Variants in ZNG1F observed in about 807,000 individuals in gnomAD.
ZNG1F encodes the protein Zn regulated GTPase metalloprotein activator 1F, also known as zinc-regulated GTPase metalloprotein activator 1F.
At chr9:41,173,753 G>A in the ZNG1F span, among the ~76,000 whole-genome samples, 1 of 116,192 alleles carries the variant, frequency 8.6e-6, no homozygotes. Flanking sequence ...AAACCTTAGT[G>A]GAAGCACTAA....
the ZNG1F span, among the ~76,000 whole-genome samples, chr9:41,166,445 CATAT>C: frequency 0.48 from 56,562 of 116,838 alleles, 10,388 homozygotes; most frequent in Non-Finnish European, 0.56. Context: ...TATTATTATA[CATAT>C]ATATATATAT....
chr9:41,158,058 CG>C, the ZNG1F span: 1 of 110,286 alleles, frequency 9.1e-6, no homozygotes, highest in Non-Finnish European at 1.9e-5. Context: ...ACAAGGGGCA[CG>C]GGGGCTCCAC....
At chr9:41,166,179 C>T in the ZNG1F span, among the ~76,000 whole-genome samples, 1 of 112,824 alleles carries the variant, frequency 8.9e-6, no homozygotes, top group African/African-American at 3.5e-5. Context: ...GGGTGGATCA[C>T]CTGAGGTCAG....
At chr9:41,155,395 A>G in the ZNG1F span, among the ~76,000 whole-genome samples, 3 of 147,008 alleles carry the variant, frequency 2.0e-5, no homozygotes, top group Admixed American at 1.4e-4. Flanking sequence ...GAACACTTTT[A>G]CACTGTTGGC....
the ZNG1F span, among the ~76,000 whole-genome samples, chr9:41,187,121 C>T: frequency 6.8e-6 from 1 of 147,498 alleles, no homozygotes; most frequent in Non-Finnish European, 1.5e-5. Flanking sequence ...GCTTTTTAAC[C>T]ATATTATGAA....
At chr9:41,159,168 A>C in the ZNG1F span, among the ~76,000 whole-genome samples, 1 of 150,986 alleles carries the variant, frequency 6.6e-6, no homozygotes, top group African/African-American at 2.4e-5. Flanking sequence ...GATATTTTCC[A>C]GTGGTCATCT....
At chr9:41,193,367 G>C in the ZNG1F span, among the ~76,000 whole-genome samples, 54 of 133,510 alleles carry the variant, frequency 4.0e-4, no homozygotes, top group Admixed American at 1.1e-3. Context: ...AAAATTATGA[G>C]AGGCCATTGT....
At chr9:41,187,533 T>C in the ZNG1F span, among the ~76,000 whole-genome samples, 2 of 147,908 alleles carry the variant, frequency 1.4e-5, no homozygotes, top group Non-Finnish European at 3.0e-5. Flanking sequence ...GAATTTGAAT[T>C]TTAACCCATA....
At chr9:41,197,763 G>A in the ZNG1F span, among the ~76,000 whole-genome samples, 55 of 128,262 alleles carry the variant, frequency 4.3e-4, 1 homozygote, top group African/African-American at 1.3e-3. Flanking sequence ...GGTTAGCTTC[G>A]CTTATTAAAT....
chr9:41,201,364 G>A, the ZNG1F span, among the ~76,000 whole-genome samples: 62,960 of 79,234 alleles, frequency 0.79, 24,118 homozygotes, highest in Non-Finnish European at 0.87. Flanking sequence ...AGGGAGTACT[G>A]TAGATGACAG....
the ZNG1F span, among the ~76,000 whole-genome samples, chr9:41,160,443 GAC>G: frequency 7.1e-4 from 25 of 35,306 alleles, no homozygotes; most frequent in African/African-American, 1.8e-3. Context: ...TTTTTTTTGA[GAC>G]AGAGTCTCGC....
the ZNG1F span, among the ~76,000 whole-genome samples, chr9:41,150,079 T>G: frequency 3.9e-4 from 15 of 37,986 alleles, 2 homozygotes; most frequent in Admixed American, 7.6e-4. Context: ...TCTCACTAGG[T>G]AGTGCCGGAC....
chr9:41,149,996 G>A, the ZNG1F span, among the ~76,000 whole-genome samples: 11 of 94,758 alleles, frequency 1.2e-4, no homozygotes, highest in East Asian at 3.1e-4. Context: ...GAACAGCTCC[G>A]GTCTACAGCT....
At chr9:41,155,321 G>T in the ZNG1F span, among the ~76,000 whole-genome samples, 2 of 150,302 alleles carry the variant, frequency 1.3e-5, no homozygotes, top group South Asian at 2.1e-4. Context: ...TCTCACACCA[G>T]TTAGAATGGC....
At chr9:41,185,642 C>T in the ZNG1F span, among the ~76,000 whole-genome samples, 1 of 151,890 alleles carries the variant, frequency 6.6e-6, no homozygotes, top group African/African-American at 2.4e-5. Flanking sequence ...CACTGCACTC[C>T]AGCCTGGCAA....
the ZNG1F span, among the ~76,000 whole-genome samples, chr9:41,201,200 A>G: frequency 6.8e-6 from 1 of 147,488 alleles, no homozygotes; most frequent in Non-Finnish European, 1.5e-5. Context: ...GTAAAAATTA[A>G]CAAAAACATG....
At chr9:41,145,258 G>A in the ZNG1F span, 2 of 350,100 alleles carry the variant, frequency 5.7e-6, no homozygotes, top group Non-Finnish European at 4.8e-6. Flanking sequence ...TAGAAATTTT[G>A]GATTTAGATT....
At chr9:41,184,264 T>A in the ZNG1F span, among the ~76,000 whole-genome samples, 1 of 144,398 alleles carries the variant, frequency 6.9e-6, no homozygotes, top group East Asian at 2.1e-4. Flanking sequence ...CAATGAAACC[T>A]CATCTCTACT....
At chr9:41,158,406 T>A in the ZNG1F span, 4 of 65,630 alleles carry the variant, frequency 6.1e-5, no homozygotes, top group Admixed American at 8.5e-4. Flanking sequence ...TCCAAGTTTG[T>A]CATCTTCATC....
Sources: allele counts gnomAD v4.1 joint callset (sites outside exome capture counted in the v4.1 genomes callset), GRCh38; gene constraint gnomAD v4.1.1; transcripts MANE v1.5; gene names NCBI Gene and HGNC (gene_info 2026-07-23, HGNC 2026-07-21).